Variants in AK4 observed in about 807,000 individuals in gnomAD.
AK4 encodes adenylate kinase 4, also known as adenylate kinase 4, mitochondrial.
A neutral mutation model predicts 24.6 loss-of-function variants in AK4; 13 were observed. That is an observed-to-expected ratio of 0.53 (90% CI 0.34 to 0.84). The LOEUF (loss-of-function observed/expected upper bound fraction) is 0.84, where lower values mean the gene tolerates loss of function less well. Ranked by LOEUF, AK4 falls within the 40% of genes least tolerant of loss-of-function variation. The pLI is 0.01. For synonymous variants in AK4, 88 were observed against 107.0 expected (o/e 0.82, Z 1.10); for missense variants, 192 against 288.2 (o/e 0.67, Z 2.42).
intron 1 of AK4, among the ~76,000 whole-genome samples, chr1:65,190,450 G>C (rs114279996): frequency 8.0e-6 from 1 of 124,624 alleles, no homozygotes; most frequent in African/African-American, 3.6e-5. Flanking sequence ...TCCTTTTTTT[G>C]GGGGGGGGGC....
At chr1:65,150,996 C>T (rs2100974768) in intron 1 of AK4, among the ~76,000 whole-genome samples, 1 of 152,252 alleles carries the variant, frequency 6.6e-6, no homozygotes, top group East Asian at 1.9e-4. Flanking sequence ...TTCTGTCACC[C>T]ACACCGGAGT....
chr1:65,155,860 C>T (rs1399110839), intron 1 of AK4, among the ~76,000 whole-genome samples: 1 of 151,850 alleles, frequency 6.6e-6, no homozygotes, highest in Admixed American at 6.6e-5. Context: ...TTAGTAGAGA[C>T]GGTTTCACCG....
chr1:65,183,650 CGTGTGTGTGTGTGTGTGTGTGT>C (rs56067788), intron 1 of AK4, among the ~76,000 whole-genome samples: 4 of 140,732 alleles, frequency 2.8e-5, no homozygotes, highest in African/African-American at 5.2e-5. Context: ...TATAAATATC[CGTGTGTGTGTGTGTGTGTGTGT>C]GTGTGTGTGT....
intron 1 of AK4, among the ~76,000 whole-genome samples, chr1:65,183,749 G>C (rs1650994121): frequency 6.7e-6 from 1 of 148,588 alleles, no homozygotes; most frequent in Non-Finnish European, 1.5e-5. Context: ...CTGCTTATTG[G>C]CTCTTCTACT....
At chr1:65,151,922 A>G (rs1328646058) in intron 1 of AK4, among the ~76,000 whole-genome samples, 1 of 152,112 alleles carries the variant, frequency 6.6e-6, no homozygotes, top group Non-Finnish European at 1.5e-5. Flanking sequence ...GCACACTGCA[A>G]GAGTAAATAG....
chr1:65,181,234 C>T (rs937503961), intron 1 of AK4, among the ~76,000 whole-genome samples: 1 of 151,530 alleles, frequency 6.6e-6, no homozygotes, highest in African/African-American at 2.4e-5. Context: ...CCCCATAGCT[C>T]CTTTTTCCAT....
intron 4 of AK4, 85 bp downstream of exon 4, chr1:65,224,955 G>C (rs1652409620): frequency 1.9e-6 from 2 of 1,032,564 alleles, no homozygotes; most frequent in African/African-American, 1.6e-5. Context: ...CTGAGGCAGA[G>C]TAGTGTTTCT....
chr1:65,193,907 C>T (rs138598024), intron 2 of AK4, among the ~76,000 whole-genome samples: 4 of 152,288 alleles, frequency 2.6e-5, no homozygotes, highest in Admixed American at 6.5e-5. Context: ...AGGAGACCAG[C>T]GTGGGCAACA....
At chr1:65,221,981 TA>T (rs1416596277) in intron 3 of AK4, among the ~76,000 whole-genome samples, 1 of 152,114 alleles carries the variant, frequency 6.6e-6, no homozygotes, top group African/African-American at 2.4e-5. Context: ...GGAGGTTTAA[TA>T]GGCAGAAGAG....
intron 1 of AK4, among the ~76,000 whole-genome samples, chr1:65,168,668 C>T (rs942632365): frequency 6.6e-6 from 1 of 152,174 alleles, no homozygotes; most frequent in Non-Finnish European, 1.5e-5. Context: ...CTGCAGGGCA[C>T]ACTGTAGCTC....
intron 1 of AK4, among the ~76,000 whole-genome samples, chr1:65,183,399 C>G (rs1278285432): frequency 6.6e-6 from 1 of 152,082 alleles, no homozygotes; most frequent in Non-Finnish European, 1.5e-5. Context: ...TGCAGGTGCA[C>G]ACCATCACGC....
intron 1 of AK4, among the ~76,000 whole-genome samples, chr1:65,184,183 G>C (rs1651009784): frequency 6.6e-6 from 1 of 152,112 alleles, no homozygotes; most frequent in South Asian, 2.1e-4. Context: ...TTGTTAAGAT[G>C]AATTGCCACA....
chr1:65,156,801 A>G (rs141047846), intron 1 of AK4, among the ~76,000 whole-genome samples: 1 of 152,114 alleles, frequency 6.6e-6, no homozygotes, highest in Non-Finnish European at 1.5e-5. Flanking sequence ...ACATGCCTGT[A>G]ATCTCAGCTA....
intron 1 of AK4, among the ~76,000 whole-genome samples, chr1:65,152,360 C>CTATATATATATATATA (rs1649812696): frequency 3.6e-5 from 1 of 27,940 alleles, no homozygotes; most frequent in East Asian, 1.1e-3. Context: ...CTCTCTCTCT[C>CTATATATATATATATA]TATATATATA....
chr1:65,209,690 A>G (rs1016283831), intron 2 of AK4, among the ~76,000 whole-genome samples: 1 of 152,232 alleles, frequency 6.6e-6, no homozygotes, highest in Non-Finnish European at 1.5e-5. Flanking sequence ...AGATCAATTT[A>G]AAGAATGCTG....
At chr1:65,148,592 T>A in intron 1 of AK4, 40 bp downstream of exon 1, 3 of 1,560,196 alleles carry the variant, frequency 1.9e-6, no homozygotes, top group Non-Finnish European at 1.7e-6. Context: ...GCGAGCCGCG[T>A]TGGGCTGGGG....
At chr1:65,155,091 C>A (rs1335585804) in intron 1 of AK4, among the ~76,000 whole-genome samples, 1 of 150,534 alleles carries the variant, frequency 6.6e-6, no homozygotes, top group Non-Finnish European at 1.5e-5. Flanking sequence ...CCTAGGTGAT[C>A]CACCTGCCTC....
intron 2 of AK4, among the ~76,000 whole-genome samples, chr1:65,200,970 G>A (rs934519242): frequency 6.6e-6 from 1 of 151,904 alleles, no homozygotes; most frequent in Non-Finnish European, 1.5e-5. Context: ...ATTTTTGTAT[G>A]TTTAGTAGAG....
intron 2 of AK4, among the ~76,000 whole-genome samples, chr1:65,213,924 CAT>C (rs1652047050): frequency 6.6e-6 from 1 of 152,294 alleles, no homozygotes; most frequent in Non-Finnish European, 1.5e-5. Context: ...GACGTGGATA[CAT>C]AGAGTGAAGA....
Sources: allele counts gnomAD v4.1 joint callset (sites outside exome capture counted in the v4.1 genomes callset), GRCh38; gene constraint gnomAD v4.1.1; transcripts MANE v1.5; gene names NCBI Gene and HGNC (gene_info 2026-07-23, HGNC 2026-07-21).